The following GRID1 variants were observed in gnomAD, a reference collection of about 807,000 sequenced individuals.
The protein encoded by GRID1 is glutamate receptor ionotropic, delta-1.
Under a neutral mutation model 98.0 loss-of-function variants are expected in GRID1, and 28 were observed. The observed-to-expected ratio is 0.29, with a 90% CI of 0.21 to 0.39. The LOEUF is 0.39. Among genes scored for constraint, GRID1 ranks in the 10% least tolerant of loss-of-function variants. The pLI is 1.00. For missense variants in GRID1, 1,111 were observed against 1,340.5 expected (o/e 0.83, Z 2.67); for synonymous variants, 553 against 538.5 (o/e 1.03, Z -0.37).
intron 2 of GRID1, among the ~76,000 whole-genome samples, chr10:86,209,145 T>C (rs1159115277): frequency 1.3e-5 from 2 of 152,156 alleles, no homozygotes; most frequent in South Asian, 2.1e-4. Flanking sequence ...CAGAAGGAAA[T>C]ATTGCAAAAT....
intron 12 of GRID1, among the ~76,000 whole-genome samples, chr10:85,658,000 G>T (rs1360748119): frequency 4.6e-5 from 7 of 152,138 alleles, no homozygotes; most frequent in Non-Finnish European, 1.0e-4. Context: ...CAAGACAAAA[G>T]CAGGATGCAC....
chr10:86,078,039 G>A (rs2131927134), intron 4 of GRID1, among the ~76,000 whole-genome samples: 1 of 152,236 alleles, frequency 6.6e-6, no homozygotes, highest in East Asian at 1.9e-4. Context: ...AGACTCAAGG[G>A]TTCTCCAGGA....
At chr10:85,645,637 C>A (rs1843177410) in intron 13 of GRID1, 1 of 152,206 alleles carries the variant, frequency 6.6e-6, no homozygotes, top group South Asian at 2.1e-4. Flanking sequence ...AGTTCCCAAA[C>A]AAGGAGAATG....
intron 2 of GRID1, among the ~76,000 whole-genome samples, chr10:86,287,187 G>A (rs1348137456): frequency 6.6e-6 from 1 of 152,184 alleles, no homozygotes; most frequent in Non-Finnish European, 1.5e-5. Context: ...GGTGAGGCTG[G>A]GGTAGAAACA....
intron 3 of GRID1, among the ~76,000 whole-genome samples, chr10:86,145,015 A>G (rs1283652073): frequency 6.6e-6 from 1 of 152,194 alleles, no homozygotes; most frequent in Non-Finnish European, 1.5e-5. Context: ...ACATTCCACA[A>G]GAATGTTCTC....
chr10:85,880,773 G>A (rs1220120492), intron 5 of GRID1, among the ~76,000 whole-genome samples: 4 of 151,986 alleles, frequency 2.6e-5, no homozygotes, highest in African/African-American at 9.7e-5. Context: ...TTCTGGCCAG[G>A]GCAATTAGGC....
intron 12 of GRID1, among the ~76,000 whole-genome samples, chr10:85,651,122 C>G (rs1843263265): frequency 6.6e-6 from 1 of 152,244 alleles, no homozygotes; most frequent in Non-Finnish European, 1.5e-5. Context: ...GAACCATGGA[C>G]TGGGGCAAGT....
At position 85,867,289 on chromosome 10, in the gene GRID1, A is replaced by G. The variant is rs951613600; in HGVS notation, c.951+1721T>C. Among the ~76,000 whole-genome samples, 35 of 152,082 alleles carry G rather than the reference A, an allele frequency of 2.3e-4. 1 individual carries two copies. Among genetic ancestry groups the G allele is most frequent in the African/African-American group, 8.2e-4 (34 of 41,384 alleles). On this transcript the variant is annotated intron_variant, in intron 6 of 15. Transcript: ENST00000327946. ...GGCCCCATCTTTGTTCTTCAAGGAGACTGAGTGCAGTTTAACTAAGACCTA... is the reference window on the plus strand; with the variant it reads ...GGCCCCATCTTTGTTCTTCAAGGAGGCTGAGTGCAGTTTAACTAAGACCTA...
intron 12 of GRID1, among the ~76,000 whole-genome samples, chr10:85,700,917 T>C (rs1381525980): frequency 6.6e-6 from 1 of 152,154 alleles, no homozygotes; most frequent in East Asian, 1.9e-4. Flanking sequence ...ACAGGGTGGA[T>C]TGCAATCATT....
intron 4 of GRID1, among the ~76,000 whole-genome samples, chr10:86,054,599 C>T (rs1843548245): frequency 6.6e-6 from 1 of 152,150 alleles, no homozygotes; most frequent in Non-Finnish European, 1.5e-5. Context: ...CATTTTGGCC[C>T]CTGGCTGCAT....
intron 2 of GRID1, among the ~76,000 whole-genome samples, chr10:86,306,320 G>A (rs764523765): frequency 6.6e-6 from 1 of 152,210 alleles, no homozygotes. Context: ...GGGCTCTGGT[G>A]GCTTATACAG....
intron 5 of GRID1, among the ~76,000 whole-genome samples, chr10:85,881,603 C>A (rs1364809110): frequency 1.3e-5 from 2 of 152,174 alleles, no homozygotes; most frequent in African/African-American, 2.4e-5. Context: ...CCCTTCCTTA[C>A]ACCTTATACA....
chr10:86,274,053 G>A (rs1170650119), intron 2 of GRID1, among the ~76,000 whole-genome samples: 1 of 152,178 alleles, frequency 6.6e-6, no homozygotes, highest in Non-Finnish European at 1.5e-5. Context: ...TAGGTCTAAT[G>A]TTTAAGTATT....
chr10:85,908,349 T>C (rs1841490676), intron 5 of GRID1, among the ~76,000 whole-genome samples: 1 of 152,196 alleles, frequency 6.6e-6, no homozygotes, highest in African/African-American at 2.4e-5. Flanking sequence ...AGTTCTAGGA[T>C]ACAAGATCAA....
intron 4 of GRID1, among the ~76,000 whole-genome samples, chr10:86,115,376 T>TGAATGAATGAAC (rs1258630060): frequency 1.3e-5 from 2 of 152,168 alleles, no homozygotes; most frequent in African/African-American, 4.8e-5. Context: ...AATGAATGAA[T>TGAATGAATGAAC]GAACAGATGA....
rs115289365 is a variant in GRID1 at position 85,809,847 on chromosome 10, C to T, written c.1233+44649G>A. On this transcript the variant is annotated intron_variant, in intron 8 of 15. Transcript: ENST00000327946. ...CCTGTGGGAAAGGGAAAGCAGAGGA[C>T]CTGCAGCAGCCCTCACTGCCACTAT... Among the ~76,000 whole-genome samples, 499 of 152,220 alleles carry T rather than the reference C, an allele frequency of 3.3e-3. 1 individual carries two copies. Among genetic ancestry groups the T allele is most frequent in the African/African-American group, 0.011 (444 of 41,538 alleles).
At chr10:86,156,753 C>A (rs1214894209) in intron 3 of GRID1, among the ~76,000 whole-genome samples, 2 of 152,230 alleles carry the variant, frequency 1.3e-5, no homozygotes, top group African/African-American at 4.8e-5. Flanking sequence ...ACGTCTAGAA[C>A]AAGTCATGTC....
intron 5 of GRID1, among the ~76,000 whole-genome samples, chr10:85,886,704 G>A (rs966574371): frequency 6.6e-6 from 1 of 151,986 alleles, no homozygotes; most frequent in African/African-American, 2.4e-5. Flanking sequence ...TATAATGAAG[G>A]GAAATTTTCA....
At position 85,874,736 on chromosome 10, in the gene GRID1, G is replaced by A. The variant is rs927182752; in HGVS notation, c.781-5556C>T. Among the ~76,000 whole-genome samples the A allele has an allele frequency of 1.3e-4, 20 of 152,084 alleles. 1 individual carries two copies. Among genetic ancestry groups the A allele is most frequent in the African/African-American group, 1.2e-4 (5 of 41,398 alleles). ...TGTGGTCAGTTTGTACTACATGAAC[G>A]TTTCATGTGCATTCACTGTTCATTT... On this transcript the variant is annotated intron_variant, in intron 5 of 15. Transcript: ENST00000327946.
Sources: allele counts gnomAD v4.1 joint callset (sites outside exome capture counted in the v4.1 genomes callset), GRCh38; gene constraint gnomAD v4.1.1; transcripts MANE v1.5; gene names NCBI Gene and HGNC (gene_info 2026-07-23, HGNC 2026-07-21).